ACSBG2: variants seen among roughly 807,000 people sequenced by gnomAD.
ACSBG2 encodes the protein long-chain-fatty-acid--CoA ligase ACSBG2.
ACSBG2 carries 62 observed loss-of-function variants against 74.7 expected under a neutral mutation model. The ratio of observed to expected loss-of-function variants is 0.83; its 90% CI spans 0.68 to 1.03. The LOEUF (loss-of-function observed/expected upper bound fraction) is 1.03, where lower values mean the gene tolerates loss of function less well. Ranked by LOEUF, ACSBG2 falls within the 50% of genes least tolerant of loss-of-function variation. The pLI is 0.00. For synonymous variants in ACSBG2, 309 were observed against 294.1 expected (o/e 1.05, Z -0.52); for missense variants, 730 against 817.6 (o/e 0.89, Z 1.31).
intron 10 of ACSBG2, 91 bp downstream of exon 10, chr19:6,183,363 G>A (rs1175900839): frequency 1.8e-6 from 2 of 1,104,220 alleles, no homozygotes; most frequent in Non-Finnish European, 1.3e-6. Flanking sequence ...TGGGTTAAGA[G>A]GAATCCTGAC....
intron 5 of ACSBG2, among the ~76,000 whole-genome samples, chr19:6,159,356 T>A (rs1478523442): frequency 1.3e-5 from 2 of 150,934 alleles, no homozygotes. Flanking sequence ...TGCTGGTGGG[T>A]GGGTGGGGTC....
chr19:6,189,291 G>A (rs990170336), intron 13 of ACSBG2, among the ~76,000 whole-genome samples: 1 of 152,130 alleles, frequency 6.6e-6, no homozygotes. Context: ...ATCAGAACAT[G>A]AAATTAGTCT....
chr19:6,151,542 C>T (rs1020596008), intron 3 of ACSBG2, among the ~76,000 whole-genome samples, 165 bp from the exon 4 acceptor site: 3 of 152,094 alleles, frequency 2.0e-5, no homozygotes, highest in African/African-American at 7.2e-5. Flanking sequence ...AACTTCTGGC[C>T]TCAAGCAATT....
intron 4 of ACSBG2, among the ~76,000 whole-genome samples, chr19:6,153,962 G>A (rs1384573811): frequency 6.6e-6 from 1 of 151,020 alleles, no homozygotes; most frequent in Non-Finnish European, 1.5e-5. Flanking sequence ...AAAAGAGAGA[G>A]AAAAAAATTG....
At chr19:6,153,138 C>T (rs11085163) in intron 4 of ACSBG2, among the ~76,000 whole-genome samples, 90,415 of 151,830 alleles carry the variant, frequency 0.6, 28,087 homozygotes, top group Admixed American at 0.69. Context: ...CCCAGCTACG[C>T]GGGAGGCTGA....
chr19:6,152,903 C>T (rs1181832305), intron 4 of ACSBG2, among the ~76,000 whole-genome samples: 1 of 152,112 alleles, frequency 6.6e-6, no homozygotes, highest in Non-Finnish European at 1.5e-5. Flanking sequence ...GGTGACAAAG[C>T]AGGTATCAAA....
Position 6,177,252 on chromosome 19 carries a change from G to C in ACSBG2, c.762G>C (p.Val254=), listed in dbSNP as rs1257175801. ...AGATCACGTGGATTGCAGGAGCAGTGACAAAGGACTTTAAACTGACAGACA... is the reference window on the plus strand; with the variant it reads ...AGATCACGTGGATTGCAGGAGCAGTCACAAAGGACTTTAAACTGACAGACA... ...HDNITWIAGA[V]TKDFKLTDKH... is the part of the protein sequence containing the mutation. Residue 254 remains valine, a synonymous_variant, in exon 8 of 15, where the codon GTG becomes GTC. Transcript: ENST00000588485. The C allele has an allele frequency of 1.9e-6, 3 of 1,613,990 alleles. No homozygotes were observed. The highest frequency in any genetic ancestry group is 2.2e-5 in the East Asian group (1 of 44,896).
In ACSBG2 at chr19:6,186,428, T is replaced by G. The variant is rs551769566; in HGVS notation, c.1540+775T>G. ...AAATGTAAAATTCATTTTTAGCTTT[T>G]GGTTATACAAAATTGAATAGTGGCC... is the stretch of plus-strand genomic sequence containing the variant. On this transcript the variant is annotated intron_variant, in intron 11 of 14. Coordinates refer to ENST00000588485, the MANE Select transcript of ACSBG2 (RefSeq NM_030924.5). Among the ~76,000 whole-genome samples, 5 of 152,372 alleles carry G rather than the reference T, an allele frequency of 3.3e-5. No individual in the cohort carries two copies. In the Middle Eastern group the frequency reaches 0.017, roughly 518 times the overall value.
intron 4 of ACSBG2, among the ~76,000 whole-genome samples, chr19:6,154,433 A>AG (rs1555691736): frequency 0.24 from 11,400 of 47,656 alleles, 854 homozygotes; most frequent in African/African-American, 0.31. Flanking sequence ...AGAGAGAGAG[A>AG]AAATTATTAT....
chr19:6,183,947 G>A (rs373225437), intron 10 of ACSBG2, among the ~76,000 whole-genome samples: 29 of 152,076 alleles, frequency 1.9e-4, no homozygotes, highest in South Asian at 6.2e-4. Flanking sequence ...CTACACGCAT[G>A]AGCCTCCATG....
chr19:6,150,934 T>C (rs1300903768), intron 3 of ACSBG2, among the ~76,000 whole-genome samples: 1 of 151,610 alleles, frequency 6.6e-6, no homozygotes, highest in Non-Finnish European at 1.5e-5. Context: ...GCCAACATGG[T>C]GAAACGCTGA....
chr19:6,190,259 CCA>C, intron 13 of ACSBG2: 4 of 246,346 alleles, frequency 1.6e-5, no homozygotes, highest in Non-Finnish European at 3.3e-5. Flanking sequence ...TCTCTATGCC[CCA>C]GTTTCCTCAC....
At chr19:6,177,427 C>T in intron 8 of ACSBG2, 31 bp downstream of exon 8, 3 of 1,543,594 alleles carry the variant, frequency 1.9e-6, no homozygotes, top group Non-Finnish European at 2.6e-6. Context: ...GGGGCTCCGA[C>T]TTCATCCTCT....
intron 14 of ACSBG2, 108 bp downstream of exon 14, chr19:6,190,800 T>G (rs34836033): frequency 4.1e-6 from 1 of 241,788 alleles, no homozygotes; most frequent in Non-Finnish European, 6.8e-6. Flanking sequence ...AACACACACA[T>G]ACACACATAC....
intron 1 of ACSBG2, 54 bp from the exon 2 acceptor site, chr19:6,141,459 T>C (rs1162453172): frequency 1.2e-6 from 1 of 865,936 alleles, no homozygotes; most frequent in African/African-American, 1.7e-5. Context: ...GTTGGCCTCA[T>C]CCCTACAGCC....
At chr19:6,137,605 C>T (rs949347910) in intron 1 of ACSBG2, among the ~76,000 whole-genome samples, 5 of 151,968 alleles carry the variant, frequency 3.3e-5, no homozygotes, top group Non-Finnish European at 5.9e-5. Context: ...GCCAGCATTT[C>T]ACTTTTTTAT....
At chr19:6,181,684 T>G (rs544769779) in intron 8 of ACSBG2, among the ~76,000 whole-genome samples, 23 of 152,208 alleles carry the variant, frequency 1.5e-4, no homozygotes, top group Admixed American at 3.3e-4. Context: ...TAGTTTGAGC[T>G]CTTACATTTA....
intron 11 of ACSBG2, among the ~76,000 whole-genome samples, chr19:6,187,002 G>GTTTT (rs1011907904): frequency 1.8e-4 from 23 of 130,690 alleles, no homozygotes; most frequent in African/African-American, 6.7e-4. Context: ...TGGCCACTAG[G>GTTTT]TTTTTTTTTT....
At chr19:6,150,536 C>T (rs2089200908) in intron 3 of ACSBG2, among the ~76,000 whole-genome samples, 1 of 152,132 alleles carries the variant, frequency 6.6e-6, no homozygotes, top group African/African-American at 2.4e-5. Context: ...AATTCTGACA[C>T]ATGCTACAAC....
Sources: gnomAD v4.1 joint callset for allele counts (sites outside exome capture counted in the v4.1 genomes callset) on GRCh38, gnomAD v4.1.1 for gene constraint, MANE v1.5 for transcripts, NCBI Gene and HGNC (gene_info 2026-07-23, HGNC 2026-07-21) for gene names.